LMAN1: variants seen among roughly 807,000 people sequenced by gnomAD.
The protein encoded by LMAN1 is protein ERGIC-53.
Under a neutral mutation model 67.8 loss-of-function variants are expected in LMAN1, and 32 were observed. The observed-to-expected ratio is 0.47, with a 90% CI of 0.36 to 0.63. The LOEUF is 0.63. Among genes scored for constraint, LMAN1 ranks in the 30% least tolerant of loss-of-function variants. The pLI is 0.00. For synonymous variants in LMAN1, 235 were observed against 219.3 expected (o/e 1.07, Z -0.63); for missense variants, 632 against 628.2 (o/e 1.01, Z -0.06).
chr18:59,345,153 G>C (rs1213126538), intron 8 of LMAN1, among the ~76,000 whole-genome samples: 2 of 152,130 alleles, frequency 1.3e-5, no homozygotes, highest in Non-Finnish European at 2.9e-5. Flanking sequence ...AATTCATTAA[G>C]TCTGACTCAT....
At chr18:59,342,180 T>C (rs943255692) in intron 8 of LMAN1, among the ~76,000 whole-genome samples, 2 of 151,194 alleles carry the variant, frequency 1.3e-5, no homozygotes, top group Admixed American at 1.3e-4. Context: ...ACTGAATCAG[T>C]AGTAAAAAAA....
At chr18:59,350,445 A>G (rs1182762515) in intron 5 of LMAN1, among the ~76,000 whole-genome samples, 1 of 152,158 alleles carries the variant, frequency 6.6e-6, no homozygotes, top group Non-Finnish European at 1.5e-5. Context: ...GAATTCTAAC[A>G]AACTGAAAAT....
intron 5 of LMAN1, among the ~76,000 whole-genome samples, chr18:59,352,304 A>T (rs1347886367): frequency 6.6e-6 from 1 of 152,210 alleles, no homozygotes; most frequent in African/African-American, 2.4e-5. Flanking sequence ...GGCTATATTC[A>T]GGAACTCTCC....
chr18:59,353,471 T>C (rs186354980), intron 4 of LMAN1, among the ~76,000 whole-genome samples, 170 bp from the exon 5 acceptor site: 1 of 152,326 alleles, frequency 6.6e-6, no homozygotes, highest in African/African-American at 2.4e-5. Context: ...ATCTCTACCC[T>C]AGGGCAGAAC....
At chr18:59,336,468 A>G (rs1908150172) in intron 10 of LMAN1, among the ~76,000 whole-genome samples, 1 of 152,234 alleles carries the variant, frequency 6.6e-6, no homozygotes, top group Admixed American at 6.5e-5. Flanking sequence ...AACCTATGGA[A>G]TAAGTATCCA....
At chr18:59,335,914 G>A (rs1025359182) in intron 10 of LMAN1, among the ~76,000 whole-genome samples, 12 of 152,196 alleles carry the variant, frequency 7.9e-5, no homozygotes, top group Admixed American at 7.9e-4. Flanking sequence ...GTACTTATAT[G>A]CATACTCAAG....
intron 7 of LMAN1, among the ~76,000 whole-genome samples, chr18:59,347,030 A>C (rs1432284852): frequency 6.6e-6 from 1 of 151,866 alleles, no homozygotes; most frequent in African/African-American, 2.4e-5. Flanking sequence ...GGAGATCGAG[A>C]CCATCCTGGC....
At chr18:59,345,829 G>C in intron 8 of LMAN1, 90 bp downstream of exon 8, 2 of 1,445,752 alleles carry the variant, frequency 1.4e-6, no homozygotes, top group Non-Finnish European at 1.9e-6. Flanking sequence ...AGAGAGCAGG[G>C]ATGAGCTAGG....
chr18:59,356,941 A>T (rs540798276), intron 1 of LMAN1, among the ~76,000 whole-genome samples: 8 of 152,350 alleles, frequency 5.3e-5, no homozygotes, highest in South Asian at 4.1e-4. Flanking sequence ...GGAACATTAG[A>T]GTTAAGAAAG....
intron 10 of LMAN1, among the ~76,000 whole-genome samples, chr18:59,335,683 G>A (rs1908129625): frequency 6.6e-6 from 1 of 151,850 alleles, no homozygotes; most frequent in Non-Finnish European, 1.5e-5. Context: ...GGATATAGGA[G>A]GAATATAAAC....
At position 59,330,324 on chromosome 18, in the gene LMAN1, A is replaced by G. The variant is rs1351686718; in HGVS notation, c.*769T>C. On this transcript the variant is annotated 3_prime_UTR_variant, in exon 13 of 13. Coordinates refer to ENST00000251047, the MANE Select transcript of LMAN1 (RefSeq NM_005570.4). ...TATAAATATAAAAATTATTTTCATA[A>G]TATTGACCTGACCCCATTGGAATGA... The G allele has an allele frequency of 6.6e-6, 1 of 152,578 alleles. No homozygotes were observed. The highest frequency in any genetic ancestry group is 2.4e-5 in the African/African-American group (1 of 41,442). The allele number at this position is 152,578 out of a possible 1,614,324, so 9.5% of individuals were successfully genotyped here.
chr18:59,345,752 T>A (rs1359773844), intron 8 of LMAN1, among the ~76,000 whole-genome samples, 167 bp downstream of exon 8: 6 of 152,200 alleles, frequency 3.9e-5, no homozygotes, highest in Non-Finnish European at 8.8e-5. Context: ...TGCCAATCTC[T>A]TGACTCTTAA....
chr18:59,355,188 C>T, intron 3 of LMAN1, 125 bp downstream of exon 3: 2 of 750,000 alleles, frequency 2.7e-6, no homozygotes, highest in Non-Finnish European at 4.7e-6. Context: ...ATCACATTTA[C>T]CATATAGCTT....
rs1451930022 is a variant in LMAN1, at chr18:59,346,036, C to A, written c.838G>T (p.Glu280Ter). Residue 280 changes from glutamate to a stop codon, truncating the protein, a stop_gained, in exon 8 of 13, where the codon GAA (glutamate) becomes TAA (stop). Coordinates refer to ENST00000251047, the MANE Select transcript of LMAN1 (RefSeq NM_005570.4). LOFTEE classifies it high-confidence loss of function. The stretch of plus-strand genomic sequence containing the variant: ...TTTTCTTTTTCCTTTTCCGAAATTT[C>A]TTTATCTGGTGTGGGCTTTTTTTTG... ...PGKEPPTPDK[E>*]ISEKEKEKYQ... 2 of 1,611,760 alleles carry A rather than the reference C, an allele frequency of 1.2e-6. No homozygotes were observed. The highest frequency in any genetic ancestry group is 2.7e-5 in the African/African-American group (2 of 74,602).
At chr18:59,335,934 T>C (rs1236911421) in intron 10 of LMAN1, among the ~76,000 whole-genome samples, 1 of 152,176 alleles carries the variant, frequency 6.6e-6, no homozygotes, top group Non-Finnish European at 1.5e-5. Flanking sequence ...GTGAAACCAA[T>C]AAGTAAATAT....
At chr18:59,337,936 T>C (rs1400908242) in intron 10 of LMAN1, among the ~76,000 whole-genome samples, 2 of 152,214 alleles carry the variant, frequency 1.3e-5, no homozygotes, top group Non-Finnish European at 2.9e-5. Context: ...TATGGAAACA[T>C]GACACTATGG....
chr18:59,358,006 G>C (rs1210575359), intron 1 of LMAN1, among the ~76,000 whole-genome samples: 3 of 141,026 alleles, frequency 2.1e-5, no homozygotes, highest in Non-Finnish European at 3.1e-5. Context: ...CACAAAGATA[G>C]AATTCAAACT....
chr18:59,353,329 C>T (rs369468180), intron 4 of LMAN1, 28 bp from the exon 5 acceptor site: 29 of 1,474,214 alleles, frequency 2.0e-5, no homozygotes, highest in Non-Finnish European at 2.7e-5. Context: ...GGAAAACAGA[C>T]AAGACACTCA....
chr18:59,357,535 A>G (rs1289559031), intron 1 of LMAN1, among the ~76,000 whole-genome samples: 1 of 152,224 alleles, frequency 6.6e-6, no homozygotes, highest in Non-Finnish European at 1.5e-5. Context: ...TGTATCAAGA[A>G]TAGAGATACC....
Sources: gnomAD v4.1 joint callset for allele counts (sites outside exome capture counted in the v4.1 genomes callset) on GRCh38, gnomAD v4.1.1 for gene constraint, MANE v1.5 for transcripts, NCBI Gene and HGNC (gene_info 2026-07-23, HGNC 2026-07-21) for gene names.